ZDHHC13: variants seen among roughly 807,000 people sequenced by gnomAD.
The protein encoded by ZDHHC13 is zDHHC palmitoyltransferase 13, also known as palmitoyltransferase ZDHHC13.
In ZDHHC13, 85 loss-of-function variants were observed where a neutral mutation model predicts 86.0. That is an observed-to-expected ratio of 0.99 (90% CI 0.83 to 1.18). The LOEUF is 1.18. ZDHHC13 is among the 50% of genes most tolerant of loss of function. ZDHHC13 has a pLI of 0.00. For missense variants in ZDHHC13, 711 were observed against 730.2 expected, an observed-to-expected ratio of 0.97 and a Z score of 0.30; for synonymous variants, 263 against 246.4, an observed-to-expected ratio of 1.07 and a Z score of -0.63.
rs756735620 is a variant in ZDHHC13, at chr11:19,175,858, G to A, written c.1767G>A (p.Gln589=). The change falls in exon 17 of 17, where the codon CAG becomes CAA. Residue 589 remains glutamine, a synonymous_variant. Transcript: ENST00000446113. ...TGCAGAACCTGGCAGATTTCTTTCA[G>A]TGTGGCTGCTTTGGCTTGGTGAAGC... The part of the protein sequence containing the change: ...GFMQNLADFF[Q]CGCFGLVKPC... The A allele has an allele frequency of 6.6e-5, 107 of 1,613,010 alleles. 1 individual carries two copies. Among genetic ancestry groups the A allele is most frequent in the Non-Finnish European group, 8.6e-5 (102 of 1,179,668 alleles).
intron 1 of ZDHHC13, among the ~76,000 whole-genome samples, chr11:19,140,782 C>T (rs571866639): frequency 1.4e-4 from 21 of 151,816 alleles, no homozygotes; most frequent in Non-Finnish European, 2.2e-4. Context: ...TGGATGAAAT[C>T]GGAAATCATC....
rs568800114 is a variant in ZDHHC13, at chr11:19,137,483, C to T, written c.28-5495C>T. ...ATTAATAATGGGAGACTTTAACACC[C>T]CACTGTCAACATTAGACAGATCAAC... is the stretch of plus-strand genomic sequence containing the variant. On this transcript the variant is annotated intron_variant, in intron 1 of 16. Coordinates refer to ENST00000446113, the MANE Select transcript of ZDHHC13 (RefSeq NM_019028.3). 2.0e-5 allele frequency among the ~76,000 whole-genome samples: 3 copies of T among 151,658 alleles called. No homozygotes were observed. The East Asian group carries it at 5.8e-4, about 30-fold the overall frequency.
chr11:19,159,404 G>A (rs1346293786), intron 10 of ZDHHC13, among the ~76,000 whole-genome samples: 2 of 152,144 alleles, frequency 1.3e-5, no homozygotes, highest in Non-Finnish European at 2.9e-5. Context: ...TGAGTACTAA[G>A]ACGGACTGCA....
At chr11:19,152,440 A>G in intron 7 of ZDHHC13, 119 bp from the exon 8 acceptor site, 1 of 1,445,224 alleles carries the variant, frequency 6.9e-7, no homozygotes, top group Non-Finnish European at 9.2e-7. Flanking sequence ...ATAAATGATA[A>G]TAGCTGGCTA....
chr11:19,158,632 T>C, intron 9 of ZDHHC13, among the ~76,000 whole-genome samples: 1 of 152,142 alleles, frequency 6.6e-6, no homozygotes, highest in East Asian at 1.9e-4. Context: ...TCATTAGAAA[T>C]ACAAAAGATC....
chr11:19,168,397 T>G (rs1850131826), intron 14 of ZDHHC13: 1 of 152,218 alleles, frequency 6.6e-6, no homozygotes, highest in African/African-American at 2.4e-5. Context: ...AGGACAGAAG[T>G]GATTTTCCAT....
intron 16 of ZDHHC13, among the ~76,000 whole-genome samples, chr11:19,175,578 G>A (rs1179940959): frequency 6.6e-6 from 1 of 151,964 alleles, no homozygotes; most frequent in African/African-American, 2.4e-5. Context: ...AAGTGATGAT[G>A]AAAAACCCAA....
chr11:19,122,965 G>A (rs995206546), intron 1 of ZDHHC13, among the ~76,000 whole-genome samples: 1 of 151,872 alleles, frequency 6.6e-6, no homozygotes. Flanking sequence ...TGACATGAAC[G>A]GAAGATATCT....
intron 14 of ZDHHC13, chr11:19,167,253 T>C (rs1480583851): frequency 6.6e-6 from 1 of 152,202 alleles, no homozygotes; most frequent in African/African-American, 2.4e-5. Context: ...ATCTTAGACT[T>C]TACCAGTAGG....
chr11:19,171,065 T>C (rs1850208617), intron 15 of ZDHHC13, among the ~76,000 whole-genome samples: 1 of 152,204 alleles, frequency 6.6e-6, no homozygotes, highest in Admixed American at 6.5e-5. Flanking sequence ...TCCAGCGCTG[T>C]TTGTTACCCT....
At position 19,176,214 on chromosome 11, in the gene ZDHHC13, T is replaced by G. The variant is rs1850361041; in HGVS notation, c.*254T>G. The G allele has an allele frequency of 3.2e-6, 1 of 314,500 alleles. No individual in the cohort carries two copies. The highest frequency in any genetic ancestry group is 2.2e-5 in the African/African-American group (1 of 46,036). The allele number at this position is 314,500 out of a possible 1,614,324, so 19.5% of individuals were successfully genotyped here. On this transcript the variant is annotated 3_prime_UTR_variant, in exon 17 of 17. Transcript: ENST00000446113. Reference sequence around the variant, plus strand: ...TTTTCACAAGAAAATGCAAGTTACTTTTTTTGGAAATAATACTCACTGATT... The same window carrying G: ...TTTTCACAAGAAAATGCAAGTTACTGTTTTTGGAAATAATACTCACTGATT...
chr11:19,157,588 G>C (rs1356622386), intron 9 of ZDHHC13, among the ~76,000 whole-genome samples: 1 of 152,176 alleles, frequency 6.6e-6, no homozygotes, highest in African/African-American at 2.4e-5. Flanking sequence ...GTGACTTAGA[G>C]ATATTTATTC....
intron 11 of ZDHHC13, among the ~76,000 whole-genome samples, chr11:19,163,791 G>T (rs1849978672): frequency 6.6e-6 from 1 of 152,070 alleles, no homozygotes; most frequent in African/African-American, 2.4e-5. Context: ...CTGCTTATTG[G>T]CTGAGGAGAT....
chr11:19,172,916 C>A, intron 16 of ZDHHC13, 96 bp downstream of exon 16: 4 of 1,132,326 alleles, frequency 3.5e-6, no homozygotes, highest in Non-Finnish European at 2.5e-6. Context: ...TGCTGCTGTT[C>A]TGTAATTTGC....
intron 13 of ZDHHC13, 30 bp downstream of exon 13, chr11:19,165,175 G>C: frequency 1.9e-6 from 3 of 1,584,366 alleles, no homozygotes; most frequent in Non-Finnish European, 2.6e-6. Context: ...AATTACTACT[G>C]TGAAGTTAAG....
At chr11:19,134,353 T>G (rs1025548994) in intron 1 of ZDHHC13, among the ~76,000 whole-genome samples, 9 of 152,008 alleles carry the variant, frequency 5.9e-5, no homozygotes, top group Admixed American at 3.9e-4. Flanking sequence ...ACTAAAAAAT[T>G]AGCTGGGTAT....
At chr11:19,146,933 C>G (rs1368649054) in intron 3 of ZDHHC13, among the ~76,000 whole-genome samples, 1 of 152,104 alleles carries the variant, frequency 6.6e-6, no homozygotes, top group Non-Finnish European at 1.5e-5. Flanking sequence ...TACTCACAGG[C>G]AAACTCCTCT....
chr11:19,171,237 C>G (rs1374937953), intron 15 of ZDHHC13, among the ~76,000 whole-genome samples: 3 of 152,192 alleles, frequency 2.0e-5, no homozygotes, highest in Non-Finnish European at 4.4e-5. Flanking sequence ...GCTTTAGTCC[C>G]TTCCCTGCTG....
intron 1 of ZDHHC13, among the ~76,000 whole-genome samples, chr11:19,133,268 G>T: frequency 6.6e-6 from 1 of 151,998 alleles, no homozygotes; most frequent in Non-Finnish European, 1.5e-5. Flanking sequence ...AAGTTTAACT[G>T]GTACAACCAT....
Sources: gnomAD v4.1 joint callset for allele counts (sites outside exome capture counted in the v4.1 genomes callset) on GRCh38, gnomAD v4.1.1 for gene constraint, MANE v1.5 for transcripts, NCBI Gene and HGNC (gene_info 2026-07-23, HGNC 2026-07-21) for gene names.